COL23A1: variants seen among roughly 807,000 people sequenced by gnomAD.
The protein encoded by COL23A1 is collagen alpha-1(XXIII) chain.
In COL23A1, 97 loss-of-function variants were observed where a neutral mutation model predicts 99.3. That is an observed-to-expected ratio of 0.98 (90% CI 0.83 to 1.16). The LOEUF is 1.16. COL23A1 is among the 50% of genes most tolerant of loss of function. The pLI is 0.00. For synonymous variants in COL23A1, 320 were observed against 308.2 expected (o/e 1.04, Z -0.40); for missense variants, 762 against 757.4 (o/e 1.01, Z -0.07).
At chr5:178,273,061 G>A (rs1756382342) in intron 5 of COL23A1, among the ~76,000 whole-genome samples, 1 of 152,208 alleles carries the variant, frequency 6.6e-6, no homozygotes, top group Non-Finnish European at 1.5e-5. Flanking sequence ...CCGTGCCGCG[G>A]TGCTGTCTGG....
At position 178,308,089 on chromosome 5, in the gene COL23A1, G is replaced by A. The variant is rs555984111; in HGVS notation, c.362-1170C>T. On this transcript the variant is annotated intron_variant, in intron 2 of 28. Coordinates refer to ENST00000390654, the MANE Select transcript of COL23A1 (RefSeq NM_173465.4). This position sits in a 1 kb window ranked among gnomAD's most constrained non-coding sequence, Gnocchi z 5.1. ...TGCATGTGTGTGTCTGTGTTTTTGTGTCTGTGTTTCTGTGTGTGTGTCTGT... is the reference window on the plus strand; with the variant it reads ...TGCATGTGTGTGTCTGTGTTTTTGTATCTGTGTTTCTGTGTGTGTGTCTGT... 3.3e-5 allele frequency among the ~76,000 whole-genome samples: 5 copies of A among 151,938 alleles called. No homozygotes were observed. The South Asian group carries it at 1.0e-3, about 32-fold the overall frequency.
rs910526895 is a variant in COL23A1 at position 178,238,462 on chromosome 5, C to T, written c.*236G>A. The T allele has an allele frequency of 1.8e-6, 1 of 566,756 alleles. No homozygotes were observed. Among genetic ancestry groups the T allele is most frequent in the African/African-American group, 1.9e-5 (1 of 53,076 alleles). The allele number at this position is 566,756 out of a possible 1,614,324, so 35.1% of individuals were successfully genotyped here. The stretch of plus-strand genomic sequence containing the variant: ...AGGTGCTTCTACCTTCATCTCCTTC[C>T]TGGGAAAGCCCAGGCCCAAGGGTGC... On this transcript the variant is annotated 3_prime_UTR_variant, in exon 29 of 29. Transcript: ENST00000390654.
chr5:178,465,862 A>T (rs1286848222), intron 2 of COL23A1, among the ~76,000 whole-genome samples: 1 of 152,204 alleles, frequency 6.6e-6, no homozygotes, highest in African/African-American at 2.4e-5. Flanking sequence ...GGTCAGTACC[A>T]ACCAGCGGTG....
At chr5:178,327,741 G>A (rs77178593) in intron 2 of COL23A1, among the ~76,000 whole-genome samples, 3,190 of 152,188 alleles carry the variant, frequency 0.021, 39 homozygotes, top group South Asian at 0.045. Flanking sequence ...GTGGCCCTCA[G>A]GACAGCACCA....
At chr5:178,483,195 G>A (rs986022661) in intron 2 of COL23A1, among the ~76,000 whole-genome samples, 1 of 152,178 alleles carries the variant, frequency 6.6e-6, no homozygotes, top group South Asian at 2.1e-4. Context: ...GCAATGTTAT[G>A]CAGATATCTA....
At chr5:178,536,306 C>A (rs1014697558) in intron 2 of COL23A1, among the ~76,000 whole-genome samples, 2 of 152,238 alleles carry the variant, frequency 1.3e-5, no homozygotes, top group African/African-American at 4.8e-5. Flanking sequence ...CCCTGACAGA[C>A]CAGGGGATGG....
chr5:178,239,112 C>A, intron 28 of COL23A1, 29 bp downstream of exon 28: 4 of 1,613,970 alleles, frequency 2.5e-6, no homozygotes, highest in Non-Finnish European at 3.4e-6. Flanking sequence ...CTCTCCCAAG[C>A]CTGCCCTGGA....
intron 10 of COL23A1, 107 bp downstream of exon 10, chr5:178,262,110 A>T: frequency 1.6e-6 from 2 of 1,227,784 alleles, no homozygotes; most frequent in Non-Finnish European, 2.3e-6. Context: ...GCACACACAT[A>T]AACATGTGCG....
At chr5:178,412,162 A>G (rs1765089079) in intron 2 of COL23A1, among the ~76,000 whole-genome samples, 1 of 152,208 alleles carries the variant, frequency 6.6e-6, no homozygotes. Context: ...ACATTCACAC[A>G]ATGGAATACT....
Position 178,306,345 on chromosome 5 carries a change from C to T in COL23A1, c.406+530G>A, listed in dbSNP as rs1758352128. ...GTCCCTGGGCGAAGGGGGCAATCTG[C>T]TGGGGACTGGGTAGGGGGAGTTCTG... On this transcript the variant is annotated intron_variant, in intron 3 of 28. Transcript: ENST00000390654. The surrounding 1 kb of genome is among the most constrained non-coding windows in gnomAD (Gnocchi z 4.1). Among the ~76,000 whole-genome samples the T allele has an allele frequency of 6.6e-6, 1 of 151,188 alleles. No individual in the cohort carries two copies.
At chr5:178,549,584 G>A (rs1412016391) in intron 2 of COL23A1, among the ~76,000 whole-genome samples, 1 of 152,106 alleles carries the variant, frequency 6.6e-6, no homozygotes. Context: ...GGGAGGCTGA[G>A]GTGGGCAGAT....
At position 178,589,832 on chromosome 5, in the gene COL23A1, C is replaced by G; in HGVS notation, c.294+72G>C. Reference sequence around the variant, plus strand: ...CTCCCAGAGACCTGCACGCTGCCCCCGGCTCCCAGCGTACCGCCACCCTCA... The same window carrying G: ...CTCCCAGAGACCTGCACGCTGCCCCGGGCTCCCAGCGTACCGCCACCCTCA... On this transcript the variant is annotated intron_variant, in intron 1 of 28. Coordinates refer to ENST00000390654, the MANE Select transcript of COL23A1 (RefSeq NM_173465.4). This position sits in a 1 kb window ranked among gnomAD's most constrained non-coding sequence, Gnocchi z 5.4. 8.2e-7 allele frequency: 1 copy of G among 1,222,010 alleles called. No homozygotes were observed. Among genetic ancestry groups the G allele is most frequent in the South Asian group, 3.0e-5 (1 of 32,828 alleles). The allele number at this position is 1,222,010 out of a possible 1,614,324, so 75.7% of individuals were successfully genotyped here. A position where few individuals can be genotyped will look rare whatever the true frequency, so the allele number is the denominator to read the frequency against.
chr5:178,326,432 G>A (rs555827417), intron 2 of COL23A1, among the ~76,000 whole-genome samples: 83 of 138,914 alleles, frequency 6.0e-4, no homozygotes, highest in African/African-American at 2.0e-3. Context: ...AAAAAAGACC[G>A]AACGAGAGTG....
intron 1 of COL23A1, among the ~76,000 whole-genome samples, chr5:178,562,410 C>T (rs529461691): frequency 1.1e-4 from 16 of 150,892 alleles, no homozygotes; most frequent in Non-Finnish European, 1.6e-4. Context: ...AAAAATTAGC[C>T]GGGCGTGGTG....
Position 178,463,644 on chromosome 5 carries a change from G to A in COL23A1, c.361+97038C>T, listed in dbSNP as rs182328362. Among the ~76,000 whole-genome samples, 10 of 152,310 alleles carry A rather than the reference G, an allele frequency of 6.6e-5. No homozygotes were observed. In the East Asian group the frequency reaches 9.6e-4, roughly 15 times the overall value. The stretch of plus-strand genomic sequence containing the variant: ...GAGAAGAAGTTGATGAACTCACTCC[G>A]TCACACAGCTGAGAGGCGAGCGGGA... On this transcript the variant is annotated intron_variant, in intron 2 of 28. Coordinates refer to ENST00000390654, the MANE Select transcript of COL23A1 (RefSeq NM_173465.4).
chr5:178,416,600 A>G (rs1162086235), intron 2 of COL23A1, among the ~76,000 whole-genome samples: 1 of 152,216 alleles, frequency 6.6e-6, no homozygotes, highest in African/African-American at 2.4e-5. Flanking sequence ...CTATTTTAAA[A>G]TCATTTGTAT....
At chr5:178,250,166 C>T (rs1433188598) in intron 17 of COL23A1, 61 bp from the exon 18 acceptor site, 1 of 1,600,400 alleles carries the variant, frequency 6.2e-7, no homozygotes, top group African/African-American at 1.3e-5. Flanking sequence ...GTGTCAGCAG[C>T]CAGAGGGCCA....
intron 1 of COL23A1, among the ~76,000 whole-genome samples, chr5:178,578,108 T>C (rs1315928059): frequency 1.4e-5 from 2 of 147,094 alleles, no homozygotes; most frequent in Non-Finnish European, 3.0e-5. Flanking sequence ...CACGCCCACA[T>C]GCACACATTC....
rs76329023 is a variant in COL23A1 at position 178,585,158 on chromosome 5, T to C, written c.294+4746A>G. Among the ~76,000 whole-genome samples, 1,497 of 152,254 alleles carry C rather than the reference T, an allele frequency of 9.8e-3. 28 individuals carry two copies. Among genetic ancestry groups the C allele is most frequent in the African/African-American group, 0.033 (1,387 of 41,534 alleles). On this transcript the variant is annotated intron_variant, in intron 1 of 28. Coordinates refer to ENST00000390654, the MANE Select transcript of COL23A1 (RefSeq NM_173465.4). ...GAAGAATGTTCCCAAAATGTGGTCC[T>C]TGGGAAACACCAAAGCAGAAGGAAG...
Sources: allele counts gnomAD v4.1 joint callset (sites outside exome capture counted in the v4.1 genomes callset), GRCh38; gene constraint gnomAD v4.1.1; non-coding constraint Gnocchi (gnomAD v3.1); transcripts MANE v1.5; gene names NCBI Gene and HGNC (gene_info 2026-07-23, HGNC 2026-07-21).